Variants in PDSS2 observed in about 807,000 individuals in gnomAD.
PDSS2 encodes decaprenyl diphosphate synthase subunit 2, also known as all trans-polyprenyl-diphosphate synthase PDSS2.
A neutral mutation model predicts 44.5 loss-of-function variants in PDSS2; 31 were observed. That is an observed-to-expected ratio of 0.70 (90% CI 0.52 to 0.94). The LOEUF is 0.94. Among genes scored for constraint, PDSS2 ranks in the 40% least tolerant of loss-of-function variants. The probability of loss-of-function intolerance (pLI) is 0.00; values close to 1 mark genes in which losing one functional copy is unlikely to be tolerated. For synonymous variants in PDSS2, 157 were observed against 180.3 expected (o/e 0.87, Z 1.03); for missense variants, 452 against 482.2 (o/e 0.94, Z 0.59).
intron 3 of PDSS2, among the ~76,000 whole-genome samples, chr6:107,270,246 T>C (rs1284319873): frequency 6.6e-6 from 1 of 152,014 alleles, no homozygotes; most frequent in Admixed American, 6.6e-5. Context: ...GTAGCTGGGA[T>C]TACAGGCATG....
At chr6:107,197,809 C>T (rs1435957642) in intron 6 of PDSS2, 1 of 471,028 alleles carries the variant, frequency 2.1e-6, no homozygotes, top group Non-Finnish European at 4.4e-6. Context: ...TCTCAATATT[C>T]TCATCGTTCA....
intron 1 of PDSS2, among the ~76,000 whole-genome samples, chr6:107,353,463 T>C (rs1778495387): frequency 6.6e-6 from 1 of 152,140 alleles, no homozygotes; most frequent in Non-Finnish European, 1.5e-5. Flanking sequence ...TTACTCTCCT[T>C]CTGTAATTTT....
At chr6:107,193,883 G>A (rs374925141) in intron 6 of PDSS2, 29 bp from the exon 7 acceptor site, 17 of 1,481,388 alleles carry the variant, frequency 1.1e-5, no homozygotes, top group Non-Finnish European at 4.7e-6. Context: ...AAATTAATTT[G>A]TTACTTCTCT....
At chr6:107,276,722 C>T (rs1475521102) in intron 2 of PDSS2, among the ~76,000 whole-genome samples, 2 of 152,184 alleles carry the variant, frequency 1.3e-5, no homozygotes, top group African/African-American at 4.8e-5. Context: ...CTGAGTTTGA[C>T]CATATGACTT....
intron 2 of PDSS2, among the ~76,000 whole-genome samples, chr6:107,332,774 T>A (rs940076733): frequency 1.3e-5 from 2 of 152,214 alleles, no homozygotes; most frequent in African/African-American, 2.4e-5. Context: ...TATGGCATTA[T>A]TATAAGAACC....
chr6:107,279,679 A>C (rs983225628), intron 2 of PDSS2, among the ~76,000 whole-genome samples: 18 of 152,354 alleles, frequency 1.2e-4, no homozygotes, highest in African/African-American at 4.3e-4. Flanking sequence ...ACTGGCAGTT[A>C]ATAGTTAAAA....
chr6:107,398,368 A>C (rs1473224610), intron 1 of PDSS2, among the ~76,000 whole-genome samples: 2 of 152,172 alleles, frequency 1.3e-5, no homozygotes, highest in African/African-American at 4.8e-5. Flanking sequence ...TCCTTTTTCC[A>C]AAAAATGTTT....
chr6:107,197,666 C>A (rs1772615727), intron 6 of PDSS2, among the ~76,000 whole-genome samples: 1 of 152,036 alleles, frequency 6.6e-6, no homozygotes, highest in Non-Finnish European at 1.5e-5. Context: ...AGTGTGTTTT[C>A]TTCCACTCAC....
chr6:107,319,515 G>A (rs778092441), intron 2 of PDSS2, among the ~76,000 whole-genome samples: 3 of 152,162 alleles, frequency 2.0e-5, no homozygotes, highest in South Asian at 4.1e-4. Flanking sequence ...GGTACCTGAC[G>A]TTAGGGGCCT....
intron 4 of PDSS2, among the ~76,000 whole-genome samples, chr6:107,222,736 G>A (rs935180542): frequency 4.6e-5 from 7 of 151,742 alleles, no homozygotes; most frequent in African/African-American, 1.7e-4. Context: ...ATGAGTCTCA[G>A]AAGTATAGCA....
chr6:107,387,003 C>G (rs1423591786), intron 1 of PDSS2, among the ~76,000 whole-genome samples: 1 of 152,180 alleles, frequency 6.6e-6, no homozygotes, highest in African/African-American at 2.4e-5. Flanking sequence ...AAATCACATA[C>G]AGAGCAACAG....
intron 2 of PDSS2, among the ~76,000 whole-genome samples, chr6:107,293,899 TCAATCATTATTAAAGTTTAGTGA>T (rs1439921365): frequency 6.6e-6 from 1 of 152,202 alleles, no homozygotes; most frequent in African/African-American, 2.4e-5. Context: ...AAGGGGGATC[TCAATCATTATTAAAGTTTAGTGA>T]CAGGACCAAC....
chr6:107,226,631 A>G (rs1773831469), intron 4 of PDSS2, among the ~76,000 whole-genome samples: 1 of 150,966 alleles, frequency 6.6e-6, no homozygotes, highest in African/African-American at 2.4e-5. Context: ...AGGTCAGACT[A>G]TGTAAGCATC....
At chr6:107,328,263 G>A (rs1582947271) in intron 2 of PDSS2, among the ~76,000 whole-genome samples, 1 of 152,100 alleles carries the variant, frequency 6.6e-6, no homozygotes, top group South Asian at 2.1e-4. Flanking sequence ...GGCACAGAGA[G>A]GTTATCTAAC....
At chr6:107,225,876 A>G (rs6568479) in intron 4 of PDSS2, among the ~76,000 whole-genome samples, 118,446 of 152,110 alleles carry the variant, frequency 0.78, 47,212 homozygotes, top group East Asian at 1. Flanking sequence ...AAGATTCACT[A>G]AGTATAAAAA....
At chr6:107,407,364 A>T (rs192140125) in intron 1 of PDSS2, among the ~76,000 whole-genome samples, 6 of 152,210 alleles carry the variant, frequency 3.9e-5, no homozygotes, top group Non-Finnish European at 7.3e-5. Context: ...TAGTGGTGAT[A>T]GTTGCAAAAC....
chr6:107,322,310 A>G (rs1167038719), intron 2 of PDSS2, among the ~76,000 whole-genome samples: 1 of 151,690 alleles, frequency 6.6e-6, no homozygotes, highest in African/African-American at 2.4e-5. Flanking sequence ...ACTTGAGGCC[A>G]GGAGTTTGAG....
chr6:107,401,853 A>C (rs1780114252), intron 1 of PDSS2, among the ~76,000 whole-genome samples: 1 of 152,178 alleles, frequency 6.6e-6, no homozygotes, highest in African/African-American at 2.4e-5. Context: ...TAAAAAAAAA[A>C]GGAATGAACA....
rs370960044 is a variant in PDSS2 at position 107,274,133 on chromosome 6, C to G, written c.526G>C (p.Gly176Arg). 1 of 1,613,292 alleles carries G rather than the reference C, an allele frequency of 6.2e-7. No individual in the cohort carries two copies. The highest frequency in any genetic ancestry group is 1.3e-5 in the African/African-American group (1 of 74,898). Residue 176 changes from glycine to arginine, a missense_variant, in exon 3 of 8, where the codon GGT (glycine) becomes CGT (arginine). Transcript: ENST00000369037. ...VNLNELQSSD[G>R]PLKDMQFGNK... is the part of the protein sequence containing the mutation. ...CCAAATTGCATGTCTTTCAGTGGAC[C>G]ATCAGATGATTGCAACTCATTTAAA...
Sources: gnomAD v4.1 joint callset for allele counts (sites outside exome capture counted in the v4.1 genomes callset) on GRCh38, gnomAD v4.1.1 for gene constraint, MANE v1.5 for transcripts, NCBI Gene and HGNC (gene_info 2026-07-23, HGNC 2026-07-21) for gene names.